ALX1: variants seen among roughly 807,000 people sequenced by gnomAD.
ALX1 encodes the protein ALX homeobox protein 1.
ALX1 carries 19 observed loss-of-function variants against 31.7 expected under a neutral mutation model. The ratio of observed to expected loss-of-function variants is 0.60; its 90% CI spans 0.42 to 0.88. The LOEUF is 0.88. Ranked by LOEUF, ALX1 falls within the 40% of genes least tolerant of loss-of-function variation. The pLI, the probability that ALX1 is intolerant of heterozygous loss-of-function variation, is 0.00. For missense variants in ALX1, 415 were observed against 407.8 expected (o/e 1.02, Z -0.15); for synonymous variants, 153 against 148.8 (o/e 1.03, Z -0.20).
At chr12:85,293,782 T>C (rs907788432) in intron 3 of ALX1, among the ~76,000 whole-genome samples, 3 of 151,138 alleles carry the variant, frequency 2.0e-5, no homozygotes, top group Non-Finnish European at 4.5e-5. Context: ...GGCAGAAAAT[T>C]AAGCCATCAA....
intron 2 of ALX1, among the ~76,000 whole-genome samples, chr12:85,285,965 A>G (rs1593048526): frequency 6.6e-6 from 1 of 151,942 alleles, no homozygotes; most frequent in African/African-American, 2.4e-5. Context: ...GGTTCTTATA[A>G]TAAATACTTC....
chr12:85,287,798 C>T (rs1461543238), intron 3 of ALX1, among the ~76,000 whole-genome samples: 5 of 151,138 alleles, frequency 3.3e-5, no homozygotes, highest in South Asian at 2.1e-4. Flanking sequence ...AAAAAACCTA[C>T]GTTATAAGCA....
chr12:85,287,309 G>T (rs1252813978), intron 3 of ALX1, among the ~76,000 whole-genome samples: 1 of 151,378 alleles, frequency 6.6e-6, no homozygotes, highest in Non-Finnish European at 1.5e-5. Context: ...TCTTCCTTTT[G>T]TTAACTTTTA....
In ALX1 at chr12:85,301,197, G is replaced by A. The variant is rs1190445275; in HGVS notation, c.703G>A (p.Val235Met). Residue 235 changes from valine (V) to methionine (M), a missense_variant, in exon 4 of 4, where the codon GTG (valine) becomes ATG (methionine). Coordinates refer to ENST00000316824, the MANE Select transcript of ALX1 (RefSeq NM_006982.3). Reference protein sequence around the residue: ...LWAGNASGGSVVTSCMLPRDT... With the variant: ...LWAGNASGGSMVTSCMLPRDT... Reference sequence around the variant, plus strand: ...GGCAGGAAATGCAAGTGGTGGTTCTGTGGTTACTTCATGCATGTTACCACG... The same window carrying A: ...GGCAGGAAATGCAAGTGGTGGTTCTATGGTTACTTCATGCATGTTACCACG... 1 of 1,614,022 alleles carries A rather than the reference G, an allele frequency of 6.2e-7. No homozygotes were observed.
At chr12:85,288,550 A>G (rs1463401854) in intron 3 of ALX1, among the ~76,000 whole-genome samples, 2 of 151,468 alleles carry the variant, frequency 1.3e-5, no homozygotes, top group African/African-American at 4.8e-5. Context: ...TCTAGGCTGC[A>G]AGCTCCATGA....
intron 2 of ALX1, among the ~76,000 whole-genome samples, chr12:85,286,164 T>C (rs932170075): frequency 6.6e-6 from 1 of 151,942 alleles, no homozygotes; most frequent in African/African-American, 2.4e-5. Context: ...AGTTGCATAA[T>C]GTATGTAATA....
At position 85,283,623 on chromosome 12, in the gene ALX1, A is replaced by G; in HGVS notation, c.278A>G (p.Asn93Ser). ...VEGQPLHTEL[N>S]RAMDNCNSLR... ...GGACAGCCCCTTCACACCGAACTGA[A>G]TAGAGCTATGGACAACTGTAACAGT... is the stretch of plus-strand genomic sequence containing the variant. Residue 93 changes from asparagine to serine, a missense_variant, in exon 2 of 4, where the codon AAT (asparagine) becomes AGT (serine). Physicochemically the swap from Asn to Ser is conservative, Grantham distance 46 (BLOSUM62 1). This residue lies in a region of ALX1 where 235 missense variants were observed against 208.9 expected (regional missense o/e 1.13). Coordinates refer to ENST00000316824, the MANE Select transcript of ALX1 (RefSeq NM_006982.3). The G allele has an allele frequency of 6.2e-7, 1 of 1,614,138 alleles. No homozygotes were observed. Among genetic ancestry groups the G allele is most frequent in the Admixed American group, 1.7e-5 (1 of 60,010 alleles).
At chr12:85,296,714 G>A (rs1896893093) in intron 3 of ALX1, among the ~76,000 whole-genome samples, 2 of 151,430 alleles carry the variant, frequency 1.3e-5, no homozygotes, top group Non-Finnish European at 3.0e-5. Flanking sequence ...AAAAATAAAG[G>A]CAGTCAATCT....
intron 3 of ALX1, among the ~76,000 whole-genome samples, chr12:85,294,172 A>T (rs1565942821): frequency 2.0e-5 from 3 of 151,204 alleles, no homozygotes; most frequent in African/African-American, 7.3e-5. Flanking sequence ...TTTTATTCAT[A>T]TTCTAAGCTA....
chr12:85,296,947 C>A (rs182093753), intron 3 of ALX1, among the ~76,000 whole-genome samples: 12 of 151,626 alleles, frequency 7.9e-5, no homozygotes, highest in African/African-American at 2.9e-4. Context: ...ATTGAACCAC[C>A]AATATAATTT....
intron 1 of ALX1, among the ~76,000 whole-genome samples, chr12:85,281,866 C>G (rs917798887): frequency 6.6e-6 from 1 of 152,152 alleles, no homozygotes; most frequent in Admixed American, 6.6e-5. Flanking sequence ...AATGATTCTG[C>G]AATGTCTTGT....
intron 2 of ALX1, 138 bp from the exon 3 acceptor site, chr12:85,286,715 C>A (rs1896751929): frequency 4.9e-6 from 4 of 813,208 alleles, no homozygotes; most frequent in African/African-American, 1.8e-5. Context: ...ATCTGTGGAT[C>A]CTTTTCTAAC....
intron 3 of ALX1, among the ~76,000 whole-genome samples, chr12:85,293,146 G>A (rs949451490): frequency 6.7e-6 from 1 of 150,244 alleles, no homozygotes; most frequent in Non-Finnish European, 1.5e-5. Flanking sequence ...AGTGACAGAA[G>A]AAATATAATG....
At chr12:85,282,100 C>T (rs1003960954) in intron 1 of ALX1, among the ~76,000 whole-genome samples, 8 of 152,168 alleles carry the variant, frequency 5.3e-5, no homozygotes, top group African/African-American at 1.4e-4. Context: ...TGATGCTTCC[C>T]CTCCCCCATC....
chr12:85,300,611 T>C (rs1402325396), intron 3 of ALX1, among the ~76,000 whole-genome samples: 7 of 152,052 alleles, frequency 4.6e-5, no homozygotes, highest in Non-Finnish European at 1.0e-4. Context: ...TTCAAGACTA[T>C]AGGATACGAA....
At chr12:85,284,221 GT>G (rs63339261) in intron 2 of ALX1, among the ~76,000 whole-genome samples, 66,610 of 136,268 alleles carry the variant, frequency 0.49, 18,433 homozygotes, top group African/African-American at 0.8. Context: ...ATATTTATTT[GT>G]TTTTTTTTTT....
chr12:85,289,756 G>A (rs1316243726), intron 3 of ALX1, among the ~76,000 whole-genome samples: 1 of 151,182 alleles, frequency 6.6e-6, no homozygotes, highest in Non-Finnish European at 1.5e-5. Flanking sequence ...AAAGCCGGGG[G>A]AATTTTTATT....
At chr12:85,295,149 T>A (rs1296241498) in intron 3 of ALX1, among the ~76,000 whole-genome samples, 1 of 151,296 alleles carries the variant, frequency 6.6e-6, no homozygotes, top group Non-Finnish European at 1.5e-5. Context: ...TGGGATCTTT[T>A]TTTTTCAGGT....
intron 3 of ALX1, among the ~76,000 whole-genome samples, chr12:85,291,832 G>A (rs1468331254): frequency 6.0e-5 from 9 of 151,016 alleles, no homozygotes; most frequent in Non-Finnish European, 1.2e-4. Flanking sequence ...TGAATCCTGG[G>A]ATTTGAAGAG....
Sources: allele counts gnomAD v4.1 joint callset (sites outside exome capture counted in the v4.1 genomes callset), GRCh38; gene constraint gnomAD v4.1.1; regional missense constraint gnomAD v4.1.1; transcripts MANE v1.5; gene names NCBI Gene and HGNC (gene_info 2026-07-23, HGNC 2026-07-21).